TRPM3: variants seen among roughly 807,000 people sequenced by gnomAD.
TRPM3 encodes long transient receptor potential channel 3.
A neutral mutation model predicts 181.2 loss-of-function variants in TRPM3; 77 were observed. That is an observed-to-expected ratio of 0.42 (90% CI 0.35 to 0.51). TRPM3 has a LOEUF of 0.51. TRPM3 is among the 20% of genes least tolerant of loss of function. TRPM3 has a pLI of 0.01. For missense variants in TRPM3, 1,759 were observed against 2,196.7 expected, an observed-to-expected ratio of 0.80 and a Z score of 3.98; for synonymous variants, 745 against 796.4, an observed-to-expected ratio of 0.94 and a Z score of 1.09.
chr9:71,132,462 A>G (rs2074432667), intron 1 of TRPM3, among the ~76,000 whole-genome samples: 1 of 152,338 alleles, frequency 6.6e-6, no homozygotes, highest in Admixed American at 6.5e-5. Context: ...GTCAGGGATC[A>G]TTCGGGAGAT....
chr9:71,254,386 T>G (rs941911829), intron 1 of TRPM3, among the ~76,000 whole-genome samples: 1 of 152,184 alleles, frequency 6.6e-6, no homozygotes, highest in Non-Finnish European at 1.5e-5. Flanking sequence ...AAAATTTCAT[T>G]TAGACAGGAG....
chr9:70,644,528 C>G (rs1185265449), intron 9 of TRPM3, among the ~76,000 whole-genome samples: 1 of 152,102 alleles, frequency 6.6e-6, no homozygotes, highest in African/African-American at 2.4e-5. Flanking sequence ...TAAAAACTCT[C>G]AATAAACTAG....
chr9:71,438,774 G>A (rs2094089172), intron 1 of TRPM3, among the ~76,000 whole-genome samples: 1 of 152,174 alleles, frequency 6.6e-6, no homozygotes, highest in African/African-American at 2.4e-5. Flanking sequence ...GGAGAGAGAA[G>A]AAATAGAAAA....
intron 12 of TRPM3, among the ~76,000 whole-genome samples, chr9:70,632,459 A>C (rs1275581466): frequency 6.6e-6 from 1 of 152,128 alleles, no homozygotes; most frequent in Non-Finnish European, 1.5e-5. Flanking sequence ...TCAGATACTT[A>C]CCTTAGTCCT....
At chr9:70,827,455 G>C (rs115790882) in intron 6 of TRPM3, 1 of 154,876 alleles carries the variant, frequency 6.5e-6, no homozygotes, top group African/African-American at 2.4e-5. Context: ...CAGCCAGATC[G>C]GTGCTAAGAT....
chr9:71,146,758 T>G (rs1427803549), intron 1 of TRPM3, among the ~76,000 whole-genome samples: 2 of 152,170 alleles, frequency 1.3e-5, no homozygotes, highest in Admixed American at 1.3e-4. Context: ...ACATGCTGCT[T>G]CTTGAAGATC....
At chr9:71,146,886 C>G (rs972133445) in intron 1 of TRPM3, among the ~76,000 whole-genome samples, 1 of 152,188 alleles carries the variant, frequency 6.6e-6, no homozygotes, top group African/African-American at 2.4e-5. Flanking sequence ...AACCAGAATT[C>G]CCCTTTAATT....
At chr9:70,737,972 G>T (rs1369337228) in intron 8 of TRPM3, among the ~76,000 whole-genome samples, 1 of 152,144 alleles carries the variant, frequency 6.6e-6, no homozygotes, top group Admixed American at 6.6e-5. Flanking sequence ...CATCAAGACA[G>T]AAAGGCAACA....
intron 1 of TRPM3, among the ~76,000 whole-genome samples, chr9:70,923,859 T>C (rs200770342): frequency 0.012 from 942 of 77,774 alleles, 9 homozygotes; most frequent in African/African-American, 0.046. Flanking sequence ...CACACACACA[T>C]ATATATATAT....
intron 5 of TRPM3, among the ~76,000 whole-genome samples, chr9:70,841,697 C>T (rs1415701086): frequency 7.8e-6 from 1 of 127,874 alleles, no homozygotes; most frequent in Admixed American, 8.0e-5. Context: ...TATATCCCAC[C>T]ATATACATAT....
intron 7 of TRPM3, among the ~76,000 whole-genome samples, chr9:70,769,806 T>C (rs2079876540): frequency 6.6e-6 from 1 of 152,138 alleles, no homozygotes; most frequent in Non-Finnish European, 1.5e-5. Context: ...GATTGTTTCT[T>C]TATTCTGCAT....
chr9:71,159,384 TC>T (rs917094154), intron 1 of TRPM3, among the ~76,000 whole-genome samples: 108 of 152,164 alleles, frequency 7.1e-4, no homozygotes, highest in African/African-American at 2.5e-3. Context: ...ATAGATAGAA[TC>T]ATGTGGAAAA....
intron 1 of TRPM3, among the ~76,000 whole-genome samples, chr9:71,096,100 A>G (rs1352905139): frequency 1.3e-5 from 2 of 152,022 alleles, no homozygotes; most frequent in African/African-American, 4.8e-5. Flanking sequence ...TTTCTGGAGG[A>G]CGAAGTATGA....
chr9:71,307,670 C>T (rs1423770092), intron 1 of TRPM3, among the ~76,000 whole-genome samples: 1 of 152,038 alleles, frequency 6.6e-6, no homozygotes, highest in Non-Finnish European at 1.5e-5. Flanking sequence ...TAGGTAAAAG[C>T]ATTATTTCAA....
At position 70,847,562 on chromosome 9, in the gene TRPM3, A is replaced by C. The variant is rs2095028057; in HGVS notation, c.463-971T>G. ...AGCATCTGATTTAATGATTGCATGC[A>C]GGGGGGAATTGAATGATTTTATGGG... On this transcript the variant is annotated intron_variant, in intron 3 of 25. Coordinates refer to ENST00000677713, the MANE Select transcript of TRPM3 (RefSeq NM_001366145.2). Among the ~76,000 whole-genome samples, 3 of 152,156 alleles carry C rather than the reference A, an allele frequency of 2.0e-5. No individual in the cohort carries two copies. In the South Asian group the frequency reaches 6.2e-4, roughly 32 times the overall value.
chr9:70,677,954 TCAAG>T (rs2064442599), intron 9 of TRPM3, among the ~76,000 whole-genome samples: 2 of 150,808 alleles, frequency 1.3e-5, no homozygotes, highest in Non-Finnish European at 2.9e-5. Context: ...TAAGTGTGTC[TCAAG>T]TAAGACACAC....
intron 1 of TRPM3, chr9:70,917,635 CAG>C (rs2096614254): frequency 2.3e-6 from 1 of 432,068 alleles, no homozygotes; most frequent in Non-Finnish European, 4.3e-6. Flanking sequence ...AAATCCAAAA[CAG>C]AGTAAATACA....
intron 1 of TRPM3, among the ~76,000 whole-genome samples, chr9:71,222,333 G>C (rs780246715): frequency 5.9e-5 from 9 of 152,240 alleles, no homozygotes; most frequent in African/African-American, 2.2e-4. Context: ...ACAGAAGAGT[G>C]ATCATCACAG....
chr9:71,257,947 T>A (rs550649416), intron 1 of TRPM3, among the ~76,000 whole-genome samples: 9 of 152,296 alleles, frequency 5.9e-5, no homozygotes, highest in African/African-American at 1.7e-4. Context: ...TATTTGGTCA[T>A]TACGTGTTAA....
Sources: allele counts gnomAD v4.1 joint callset (sites outside exome capture counted in the v4.1 genomes callset), GRCh38; gene constraint gnomAD v4.1.1; transcripts MANE v1.5; gene names NCBI Gene and HGNC (gene_info 2026-07-23, HGNC 2026-07-21).